Variants in FGD2 observed in about 807,000 individuals in gnomAD.
The protein encoded by FGD2 is FYVE, RhoGEF and PH domain-containing protein 2.
Under a neutral mutation model 75.9 loss-of-function variants are expected in FGD2, and 52 were observed. The observed-to-expected ratio is 0.69, with a 90% CI of 0.55 to 0.86. The LOEUF (loss-of-function observed/expected upper bound fraction) is 0.86, where lower values mean the gene tolerates loss of function less well. Among genes scored for constraint, FGD2 ranks in the 40% least tolerant of loss-of-function variants. FGD2 has a pLI of 0.00. For synonymous variants in FGD2, 347 were observed against 348.6 expected, an observed-to-expected ratio of 1.00 and a Z score of 0.05; for missense variants, 790 against 872.0, an observed-to-expected ratio of 0.91 and a Z score of 1.18.
rs765613237 is a variant in FGD2, at chr6:37,010,973, G to A, written c.301G>A (p.Glu101Lys). The stretch of plus-strand genomic sequence containing the variant: ...TTCTCTCCCCTCCAATCCTCCGCAG[G>A]AGCCAGAGAAGAAGATCGTCCAGGA... Reference protein sequence around the residue: ...PVTLSGSGTQEPEKKIVQELL... With the variant: ...PVTLSGSGTQKPEKKIVQELL... The change falls in exon 3 of 16, where the codon GAG (glutamate) becomes AAG (lysine). Residue 101 changes from glutamate to lysine, a missense_variant and splice_region_variant. Glu to Lys is a moderately conservative substitution (Grantham distance 56, BLOSUM62 1). Transcript: ENST00000274963. 3.1e-6 allele frequency: 5 copies of A among 1,613,994 alleles called. No individual in the cohort carries two copies. Among genetic ancestry groups the A allele is most frequent in the Non-Finnish European group, 4.2e-6 (5 of 1,179,994 alleles).
intron 3 of FGD2, chr6:37,011,350 A>T (rs1764996251): frequency 1.8e-6 from 1 of 555,682 alleles, no homozygotes; most frequent in Admixed American, 3.2e-5. Context: ...CCACAACCTC[A>T]CAACGATCTT....
At chr6:37,020,001 C>G (rs570344423) in intron 9 of FGD2, among the ~76,000 whole-genome samples, 2 of 152,044 alleles carry the variant, frequency 1.3e-5, no homozygotes, top group East Asian at 3.9e-4. Flanking sequence ...GACAGGCATG[C>G]GCCACCATGT....
Position 37,013,778 on chromosome 6 carries a change from G to A in FGD2, c.684+13G>A. ...CACTCGCATCCAGGTGAGGCTGGGG[G>A]AGGGCTGGAGTCAGCATTGCCACTC... On this transcript the variant is annotated intron_variant, in intron 5 of 15. Coordinates refer to ENST00000274963, the MANE Select transcript of FGD2 (RefSeq NM_173558.4). The A allele has an allele frequency of 6.2e-7, 1 of 1,613,324 alleles. No individual in the cohort carries two copies. Among genetic ancestry groups the A allele is most frequent in the Non-Finnish European group, 8.5e-7 (1 of 1,179,606 alleles).
chr6:37,028,343 T>G lies in FGD2; in HGVS notation c.*180T>G. 1 of 596,130 alleles carries G rather than the reference T, an allele frequency of 1.7e-6. No individual in the cohort carries two copies. Among genetic ancestry groups the G allele is most frequent in the Non-Finnish European group, 2.8e-6 (1 of 355,600 alleles). The allele number at this position is 596,130 out of a possible 1,614,324, so 36.9% of individuals were successfully genotyped here. A position where few individuals can be genotyped will look rare whatever the true frequency, so the allele number is the denominator to read the frequency against. On this transcript the variant is annotated 3_prime_UTR_variant, in exon 16 of 16. Transcript: ENST00000274963. ...GATTAGAAAATATGGGTCCATTCCT[T>G]TCTAGAAAGGGGACAACCAAGTGTC...
chr6:37,009,058 G>A lies in FGD2; in HGVS notation c.293G>A (p.Gly98Glu). ...CAGCCTGTGACCCTCTCAGGATCGG[G>A]GACGCAGGTGCCTGAGGGCTGAGGT... is the stretch of plus-strand genomic sequence containing the variant. ...SCQPVTLSGSGTQEPEKKIVQ... is the reference protein window; with the variant it reads ...SCQPVTLSGSETQEPEKKIVQ... Residue 98 changes from glycine to glutamate, a missense_variant, in exon 2 of 16, where the codon GGG (glycine) becomes GAG (glutamate). Coordinates refer to ENST00000274963, the MANE Select transcript of FGD2 (RefSeq NM_173558.4). 1 of 1,613,930 alleles carries A rather than the reference G, an allele frequency of 6.2e-7. No individual in the cohort carries two copies. Among genetic ancestry groups the A allele is most frequent in the Non-Finnish European group, 8.5e-7 (1 of 1,179,930 alleles).
intron 4 of FGD2, chr6:37,013,048 TG>T (rs1765101103): frequency 8.3e-6 from 1 of 120,438 alleles, no homozygotes; most frequent in South Asian, 2.4e-4. Flanking sequence ...GTGAGGGGCA[TG>T]GAATGAGGTT....
intron 1 of FGD2, among the ~76,000 whole-genome samples, chr6:37,006,330 G>A (rs545751675): frequency 1.3e-5 from 2 of 152,204 alleles, no homozygotes; most frequent in East Asian, 3.8e-4. Flanking sequence ...AGGTAAAGCT[G>A]GGACCGTATG....
rs1371536483 is a variant in FGD2, at chr6:37,010,978, A to G, written c.306A>G (p.Pro102=). The G allele has an allele frequency of 6.2e-7, 1 of 1,614,122 alleles. No individual in the cohort carries two copies. Among genetic ancestry groups the G allele is most frequent in the South Asian group, 1.1e-5 (1 of 91,082 alleles). ...TCCCCTCCAATCCTCCGCAGGAGCC[A>G]GAGAAGAAGATCGTCCAGGAGCTGC... ...VTLSGSGTQE[P]EKKIVQELLE... Residue 102 remains proline (P), a synonymous_variant, in exon 3 of 16, where the codon CCA becomes CCG. Coordinates refer to ENST00000274963, the MANE Select transcript of FGD2 (RefSeq NM_173558.4).
At chr6:37,011,922 C>T (rs901127858) in intron 4 of FGD2, 68 bp downstream of exon 4, 20 of 1,556,440 alleles carry the variant, frequency 1.3e-5, no homozygotes, top group Non-Finnish European at 1.7e-5. Flanking sequence ...GGGGAGACCC[C>T]AGGGCGCTAG....
chr6:37,012,305 C>G (rs2150770795), intron 4 of FGD2, among the ~76,000 whole-genome samples: 1 of 152,290 alleles, frequency 6.6e-6, no homozygotes, highest in East Asian at 1.9e-4. Context: ...TATAGTTTGC[C>G]ACGAAGTCTA....
chr6:37,018,678 T>A (rs1217727224), intron 9 of FGD2, among the ~76,000 whole-genome samples: 1 of 152,194 alleles, frequency 6.6e-6, no homozygotes, highest in Non-Finnish European at 1.5e-5. Flanking sequence ...GGATACCTCA[T>A]CTAAGAGGAT....
intron 3 of FGD2, 66 bp from the exon 4 acceptor site, chr6:37,011,640 T>TC (rs1226259477): frequency 2.5e-6 from 4 of 1,603,052 alleles, no homozygotes; most frequent in Admixed American, 1.7e-5. Flanking sequence ...GGACCCTAGT[T>TC]CCCCCGGGCT....
intron 4 of FGD2, 58 bp downstream of exon 4, chr6:37,011,912 G>C: frequency 6.3e-7 from 1 of 1,580,680 alleles, no homozygotes; most frequent in South Asian, 1.2e-5. Flanking sequence ...AGGTGGAGGT[G>C]GGGAGACCCC....
intron 9 of FGD2, among the ~76,000 whole-genome samples, chr6:37,016,105 C>T (rs11755152): frequency 0.033 from 4,967 of 152,188 alleles, 98 homozygotes; most frequent in Middle Eastern, 0.082. Flanking sequence ...CTTGGCCTTT[C>T]TGTGCTTTCC....
chr6:37,027,015 A>C (rs1264963157), intron 14 of FGD2, among the ~76,000 whole-genome samples: 1 of 151,862 alleles, frequency 6.6e-6, no homozygotes, highest in Non-Finnish European at 1.5e-5. Context: ...TGAAAAAAAA[A>C]AAAAAGTTGG....
At chr6:37,011,987 G>T in intron 4 of FGD2, 133 bp downstream of exon 4, 6 of 973,212 alleles carry the variant, frequency 6.2e-6, no homozygotes, top group Non-Finnish European at 8.8e-6. Flanking sequence ...CCTGGGGCTC[G>T]GTCTGTCTGC....
At position 37,013,738 on chromosome 6, in the gene FGD2, C is replaced by T. The variant is rs188623013; in HGVS notation, c.657C>T (p.Leu219=). The T allele has an allele frequency of 1.5e-5, 25 of 1,614,078 alleles. No individual in the cohort carries two copies. The African/African-American group carries it at 2.8e-4, about 18-fold the overall frequency. ...CCACCTGGACCGACAAGTCTCCACTCTTCCAGGAGGTTCTCACTCGCATCC... is the reference window on the plus strand; with the variant it reads ...CCACCTGGACCGACAAGTCTCCACTTTTCCAGGAGGTTCTCACTCGCATCC... ...LLATWTDKSP[L]FQEVLTRIQS... is the part of the protein sequence containing the mutation. The change falls in exon 5 of 16, where the codon CTC becomes CTT. Residue 219 remains leucine, a synonymous_variant. Coordinates refer to ENST00000274963, the MANE Select transcript of FGD2 (RefSeq NM_173558.4).
In FGD2 at chr6:37,006,002, G is replaced by A. The variant is rs571080999; in HGVS notation, c.68+117G>A. The stretch of plus-strand genomic sequence containing the variant: ...ACCCTCCTCCTGCAGGGGCAGCCCC[G>A]CGTTCCTCGGTCACGGATTCCTTGG... On this transcript the variant is annotated intron_variant, in intron 1 of 15. Transcript: ENST00000274963. The A allele has an allele frequency of 4.4e-4, 511 of 1,151,690 alleles. 1 individual carries two copies. The highest frequency in any genetic ancestry group is 1.5e-3 in the African/African-American group (102 of 66,144). The allele number at this position is 1,151,690 out of a possible 1,614,324, so 71.3% of individuals were successfully genotyped here.
intron 12 of FGD2, 110 bp downstream of exon 12, chr6:37,021,714 G>T: frequency 9.9e-7 from 1 of 1,012,148 alleles, no homozygotes; most frequent in Non-Finnish European, 1.5e-6. Context: ...TCATCTGCCA[G>T]GAGAGACTGA....
Sources: gnomAD v4.1 joint callset for allele counts (sites outside exome capture counted in the v4.1 genomes callset) on GRCh38, gnomAD v4.1.1 for gene constraint, MANE v1.5 for transcripts, NCBI Gene and HGNC (gene_info 2026-07-23, HGNC 2026-07-21) for gene names.